The following DNAH17 variants were observed in gnomAD, a reference collection of about 807,000 sequenced individuals.
The protein encoded by DNAH17 is dynein axonemal heavy chain 17, also known as axonemal beta dynein heavy chain 17.
DNAH17 carries 376 observed loss-of-function variants against 485.6 expected under a neutral mutation model. That is an observed-to-expected ratio of 0.77 (90% CI 0.71 to 0.84). The LOEUF (loss-of-function observed/expected upper bound fraction) is 0.84, where lower values mean the gene tolerates loss of function less well. Ranked by LOEUF, DNAH17 falls within the 40% of genes least tolerant of loss-of-function variation. The pLI, the probability that DNAH17 is intolerant of heterozygous loss-of-function variation, is 0.00. For missense variants in DNAH17, 6,370 were observed against 5,839.3 expected, an observed-to-expected ratio of 1.09 and a Z score of -2.96; for synonymous variants, 3,031 against 2,405.9, an observed-to-expected ratio of 1.26 and a Z score of -7.60.
At chr17:78,460,391 T>TGCAC (rs2088055434) in intron 58 of DNAH17, 134 bp from the exon 59 acceptor site, 14 of 715,666 alleles carry the variant, frequency 2.0e-5, no homozygotes, top group Middle Eastern at 3.5e-4. Flanking sequence ...TGTGCATATA[T>TGCAC]GTGCATGAGT....
In DNAH17 at chr17:78,539,888, C is replaced by A; in HGVS notation, c.2533-8G>T. 1.3e-6 allele frequency: 2 copies of A among 1,564,376 alleles called. No homozygotes were observed. Among genetic ancestry groups the A allele is most frequent in the Non-Finnish European group, 8.6e-7 (1 of 1,157,722 alleles). On this transcript the variant is annotated splice_region_variant and splice_polypyrimidine_tract_variant and intron_variant, in intron 17 of 80. Coordinates refer to ENST00000389840, the MANE Select transcript of DNAH17 (RefSeq NM_173628.4). Reference sequence around the variant, plus strand: ...GAATAGTTCTGCGTTTTCCTGCAAACAGAAGCGCACAGTTGGGCCTCACTT... The same window carrying A: ...GAATAGTTCTGCGTTTTCCTGCAAAAAGAAGCGCACAGTTGGGCCTCACTT...
At chr17:78,551,726 G>T (rs74466064) in intron 15 of DNAH17, 88 bp from the exon 16 acceptor site, 8 of 1,269,090 alleles carry the variant, frequency 6.3e-6, no homozygotes, top group South Asian at 1.2e-5. Flanking sequence ...CCCTTTGGGA[G>T]GTCAGGGCAG....
intron 55 of DNAH17, among the ~76,000 whole-genome samples, chr17:78,467,639 C>T (rs2088537829): frequency 6.6e-6 from 1 of 152,116 alleles, no homozygotes; most frequent in Admixed American, 6.5e-5. Flanking sequence ...GATTGGCACC[C>T]CGCAAAGGGC....
rs766068971 is a variant in DNAH17 at position 78,571,572 on chromosome 17, GGA to G, written c.732+16_732+17del. 3.1e-6 allele frequency: 5 copies of G among 1,613,328 alleles called. No homozygotes were observed. Among genetic ancestry groups the G allele is most frequent in the Non-Finnish European group, 4.2e-6 (5 of 1,179,670 alleles). ...GCTGGGACGAGGCTGCAGCCCCACA[GGA>G]GAGAGGAGGCCGTACCTGTTCATGG... On this transcript the variant is annotated intron_variant, in intron 4 of 80. Transcript: ENST00000389840.
intron 14 of DNAH17, among the ~76,000 whole-genome samples, chr17:78,557,196 T>C (rs909070790): frequency 2.6e-5 from 4 of 152,190 alleles, no homozygotes; most frequent in African/African-American, 9.6e-5. Context: ...TTCCTCATGA[T>C]AATCCTACTC....
At chr17:78,466,357 A>G (rs1033488236) in intron 56 of DNAH17, among the ~76,000 whole-genome samples, 1 of 152,204 alleles carries the variant, frequency 6.6e-6, no homozygotes, top group Admixed American at 6.5e-5. Flanking sequence ...TCACTTGTTT[A>G]TCTGCTGACC....
At position 78,574,774 on chromosome 17, in the gene DNAH17, C is replaced by T. The variant is rs757908453; in HGVS notation, c.284G>A (p.Arg95Gln). 5 of 1,613,756 alleles carry T rather than the reference C, an allele frequency of 3.1e-6. No individual in the cohort carries two copies. The highest frequency in any genetic ancestry group is 2.7e-5 in the African/African-American group (2 of 74,916). Residue 95 changes from arginine (R) to glutamine (Q), a missense_variant, in exon 2 of 81, where the codon CGG (arginine) becomes CAG (glutamine). Transcript: ENST00000389840. The part of the protein sequence containing the change: ...ENINKDNYRA[R>Q]LLYGDISPTP... ...GGGGCTGATGTCGCCGTAAAGGAGC[C>T]GGGCCCTGTAGTTGTCCTTGTTGAT... is the stretch of plus-strand genomic sequence containing the variant.
rs772129544 is a variant in DNAH17, at chr17:78,530,468, C to G, written c.3159G>C (p.Glu1053Asp). 1 of 1,613,192 alleles carries G rather than the reference C, an allele frequency of 6.2e-7. No homozygotes were observed. The highest frequency in any genetic ancestry group is 1.1e-5 in the South Asian group (1 of 91,034). Residue 1053 changes from glutamate (E) to aspartate (D), a missense_variant, in exon 21 of 81, where the codon GAG becomes GAC. Coordinates refer to ENST00000389840, the MANE Select transcript of DNAH17 (RefSeq NM_173628.4). ...EKLYEEVSKCENTKVFHGWLQ... is the reference protein window; with the variant it reads ...EKLYEEVSKCDNTKVFHGWLQ... ...GCCAGCCGTGGAACACCTTGGTGTTCTCGCACTTGGACACCTCCTCATACA... is the reference window on the plus strand; with the variant it reads ...GCCAGCCGTGGAACACCTTGGTGTTGTCGCACTTGGACACCTCCTCATACA...
In DNAH17 at chr17:78,552,823, C is replaced by G; in HGVS notation, c.2179-18G>C. The G allele has an allele frequency of 6.4e-7, 1 of 1,572,680 alleles. No individual in the cohort carries two copies. The highest frequency in any genetic ancestry group is 2.2e-5 in the East Asian group (1 of 44,678). ...GTCTTTATCTGAAAAACAGAGGTGA[C>G]AGGTTTTGTTCCGAGTCCAACCAGA... On this transcript the variant is annotated intron_variant, in intron 14 of 80. Coordinates refer to ENST00000389840, the MANE Select transcript of DNAH17 (RefSeq NM_173628.4).
At chr17:78,443,700 C>T (rs1449481557) in intron 71 of DNAH17, among the ~76,000 whole-genome samples, 2 of 152,200 alleles carry the variant, frequency 1.3e-5, no homozygotes, top group East Asian at 1.9e-4. Flanking sequence ...TAGGAGCCCG[C>T]CACCGCGCCC....
Position 78,495,743 on chromosome 17 carries a change from G to A in DNAH17, c.5903+132C>T, listed in dbSNP as rs992056105. 4.0e-5 allele frequency: 45 copies of A among 1,114,140 alleles called. No homozygotes were observed. The African/African-American group carries it at 6.2e-4, about 15-fold the overall frequency. 69.0% of individuals were successfully genotyped at this position (1,114,140 alleles called of 1,614,324 possible). The stretch of plus-strand genomic sequence containing the variant: ...GTGAGTTACTGTGCCCGGCCATCTT[G>A]GGAGCTTTTGATGACTTCTTCCCTC... On this transcript the variant is annotated intron_variant, in intron 38 of 80. Transcript: ENST00000389840.
At chr17:78,462,555 G>A (rs1568088740) in intron 57 of DNAH17, among the ~76,000 whole-genome samples, 2 of 152,168 alleles carry the variant, frequency 1.3e-5, no homozygotes, top group Non-Finnish European at 2.9e-5. Context: ...GACTGCATTG[G>A]GCATGATGAT....
chr17:78,443,440 C>G (rs1032409988), intron 71 of DNAH17, among the ~76,000 whole-genome samples: 1 of 152,214 alleles, frequency 6.6e-6, no homozygotes, highest in Non-Finnish European at 1.5e-5. Flanking sequence ...ATTCCACCCC[C>G]TCCTCCCCAC....
chr17:78,501,721 CT>C lies in DNAH17; in HGVS notation c.5322+20del, dbSNP rs1287582309. The C allele has an allele frequency of 1.9e-6, 3 of 1,609,842 alleles. No individual in the cohort carries two copies. The highest frequency in any genetic ancestry group is 4.5e-5 in the East Asian group (2 of 44,836). On this transcript the variant is annotated intron_variant, in intron 34 of 80. Transcript: ENST00000389840. Reference sequence around the variant, plus strand: ...TGTCCCCTTGCCCTTCCCCTGGCCCCTGGGACAGGGGCGCTCATGCCTTGGC... The same window carrying C: ...TGTCCCCTTGCCCTTCCCCTGGCCCCGGGACAGGGGCGCTCATGCCTTGGC...
chr17:78,571,156 G>T, intron 5 of DNAH17, 123 bp from the exon 6 acceptor site: 1 of 1,275,076 alleles, frequency 7.8e-7, no homozygotes, highest in Non-Finnish European at 1.1e-6. Context: ...TCAAGTGGAG[G>T]GGGCTGAGAA....
intron 61 of DNAH17, 46 bp downstream of exon 61, chr17:78,458,955 A>T: frequency 6.3e-7 from 1 of 1,597,248 alleles, no homozygotes; most frequent in Non-Finnish European, 8.6e-7. Flanking sequence ...CAGCGCGAGC[A>T]AGCGGCTCTG....
At chr17:78,444,023 G>A (rs930430120) in intron 71 of DNAH17, among the ~76,000 whole-genome samples, 2 of 152,200 alleles carry the variant, frequency 1.3e-5, no homozygotes, top group Non-Finnish European at 2.9e-5. Context: ...CAACAGGGAA[G>A]GGTTTCAGGT....
intron 77 of DNAH17, among the ~76,000 whole-genome samples, chr17:78,427,615 A>G (rs567228967): frequency 6.6e-6 from 1 of 152,318 alleles, no homozygotes; most frequent in South Asian, 2.1e-4. Flanking sequence ...CACATCAAGA[A>G]TTCAGTCTTT....
At chr17:78,529,406 C>T (rs999811993) in intron 22 of DNAH17, 66 bp downstream of exon 22, 15 of 1,522,188 alleles carry the variant, frequency 9.9e-6, no homozygotes, top group Non-Finnish European at 1.3e-5. Flanking sequence ...ATGGGCTGGT[C>T]CATGGTCGCG....
Sources: allele counts gnomAD v4.1 joint callset (sites outside exome capture counted in the v4.1 genomes callset), GRCh38; gene constraint gnomAD v4.1.1; transcripts MANE v1.5; gene names NCBI Gene and HGNC (gene_info 2026-07-23, HGNC 2026-07-21).